The following MROH1 variants were observed in gnomAD, a reference collection of about 807,000 sequenced individuals.
MROH1 encodes the protein maestro heat like repeat family member 1, also known as maestro heat-like repeat-containing protein family member 1.
In MROH1, 117 loss-of-function variants were observed where a neutral mutation model predicts 116.5. That is an observed-to-expected ratio of 1.00 (90% CI 0.86 to 1.17). MROH1 has a LOEUF of 1.17. Among genes scored for constraint, MROH1 ranks in the 50% most tolerant of loss-of-function variants. The probability of loss-of-function intolerance (pLI) is 0.00; values close to 1 mark genes in which losing one functional copy is unlikely to be tolerated. For missense variants in MROH1, 1,873 were observed against 1,338.5 expected, an observed-to-expected ratio of 1.40 and a Z score of -6.23; for synonymous variants, 921 against 583.9, an observed-to-expected ratio of 1.58 and a Z score of -8.32.
At chr8:144,162,138 GCAGTGGCACGAT>G (rs1483522143) in intron 2 of MROH1, among the ~76,000 whole-genome samples, 2 of 148,486 alleles carry the variant, frequency 1.3e-5, no homozygotes, top group African/African-American at 5.0e-5. Flanking sequence ...AGGCTGGAGT[GCAGTGGCACGAT>G]CTCAGCTCAC....
At chr8:144,234,200 G>A (rs1338592714) in intron 14 of MROH1, among the ~76,000 whole-genome samples, 2 of 151,950 alleles carry the variant, frequency 1.3e-5, no homozygotes, top group Admixed American at 6.6e-5. Flanking sequence ...TAGTAGAGAC[G>A]GGGTTTCACC....
rs1198271498 is a variant in MROH1, at chr8:144,244,210, C to T, written c.2556-12C>T. On this transcript the variant is annotated splice_polypyrimidine_tract_variant and intron_variant, in intron 26 of 43. Coordinates refer to ENST00000326134, the MANE Select transcript of MROH1 (RefSeq NM_032450.3). ...TAGGATCATTGTCTGGGGCCCTTAA[C>T]TTGCCTCTCAGCTCCGTGGAGCCAG... The T allele has an allele frequency of 1.1e-5, 8 of 717,042 alleles. No individual in the cohort carries two copies. The South Asian group carries it at 1.2e-4, about 11-fold the overall frequency. The allele number at this position is 717,042 out of a possible 1,614,324, so 44.4% of individuals were successfully genotyped here. A position where few individuals can be genotyped will look rare whatever the true frequency, so the allele number is the denominator to read the frequency against.
rs186371954 is a variant in MROH1 at position 144,194,119 on chromosome 8, A to G, written c.948+1718A>G. 2.9e-3 allele frequency among the ~76,000 whole-genome samples: 440 copies of G among 151,946 alleles called. 2 individuals carry two copies. Among genetic ancestry groups the G allele is most frequent in the African/African-American group, 0.01 (430 of 41,460 alleles). On this transcript the variant is annotated intron_variant, in intron 10 of 43. Coordinates refer to ENST00000326134, the MANE Select transcript of MROH1 (RefSeq NM_032450.3). ...CTCTTGTTGCCCAGGCTGGAGTGCA[A>G]TGGTGCGATCTTGGCTCACTGCAAC... is the stretch of plus-strand genomic sequence containing the variant.
rs564250202 is a variant in MROH1 at position 144,193,520 on chromosome 8, G to A, written c.948+1119G>A. ...GTATAAGGAAATGCAGATGTGTAAC[G>A]ATGAGCATAGACGTGAGGTTTTGCA... On this transcript the variant is annotated intron_variant, in intron 10 of 43. Transcript: ENST00000326134. Among the ~76,000 whole-genome samples the A allele has an allele frequency of 7.2e-5, 11 of 152,332 alleles. No homozygotes were observed. The South Asian group carries it at 1.7e-3, about 23-fold the overall frequency.
intron 21 of MROH1, 130 bp from the exon 22 acceptor site, chr8:144,241,265 T>C (rs1840931739): frequency 1.5e-6 from 1 of 682,562 alleles, no homozygotes. Flanking sequence ...GGTGTGTGCA[T>C]GTGTTGATGT....
chr8:144,231,534 G>T (rs1487991537), intron 14 of MROH1, among the ~76,000 whole-genome samples: 1 of 152,196 alleles, frequency 6.6e-6, no homozygotes, highest in Non-Finnish European at 1.5e-5. Context: ...AGCAGAGGGC[G>T]AGAGGTGGGG....
intron 3 of MROH1, among the ~76,000 whole-genome samples, chr8:144,165,574 C>T (rs1237502156): frequency 6.6e-6 from 1 of 151,948 alleles, no homozygotes; most frequent in East Asian, 1.9e-4. Flanking sequence ...GGGCCTCAAT[C>T]TTTTTTGTGT....
At chr8:144,190,398 T>C (rs1410644998) in intron 7 of MROH1, among the ~76,000 whole-genome samples, 1 of 152,128 alleles carries the variant, frequency 6.6e-6, no homozygotes, top group Non-Finnish European at 1.5e-5. Context: ...TACACCCCTG[T>C]AGTTCCAGCT....
At chr8:144,195,195 TAAAAAAAAA>T (rs561902621) in intron 10 of MROH1, among the ~76,000 whole-genome samples, 36 of 11,682 alleles carry the variant, frequency 3.1e-3, no homozygotes, top group Admixed American at 0.016. Flanking sequence ...ACTGTGTCTT[TAAAAAAAAA>T]AAAAAAAAAA....
intron 7 of MROH1, among the ~76,000 whole-genome samples, chr8:144,186,444 G>A (rs1323507214): frequency 6.6e-6 from 1 of 152,028 alleles, no homozygotes; most frequent in African/African-American, 2.4e-5. Flanking sequence ...TGTGACCTGA[G>A]CATCACCACA....
chr8:144,244,083 A>G (rs1841474380), intron 26 of MROH1, 139 bp from the exon 27 acceptor site: 5 of 702,616 alleles, frequency 7.1e-6, no homozygotes, highest in Non-Finnish European at 7.9e-6. Flanking sequence ...GTGTGTGCGC[A>G]TGCTGCATGG....
chr8:144,184,437 T>C (rs1478153735), intron 7 of MROH1, among the ~76,000 whole-genome samples: 1 of 151,954 alleles, frequency 6.6e-6, no homozygotes, highest in Non-Finnish European at 1.5e-5. Context: ...AAAAGGAGCA[T>C]TAGAGCAGAA....
At chr8:144,235,095 C>T (rs1839833242) in intron 14 of MROH1, among the ~76,000 whole-genome samples, 2 of 152,050 alleles carry the variant, frequency 1.3e-5, no homozygotes, top group African/African-American at 4.8e-5. Flanking sequence ...AGGGTTTCAC[C>T]ATGTTGGCCA....
chr8:144,257,391 T>C lies in MROH1; in HGVS notation c.3792-1386T>C, dbSNP rs1049271604. Among the ~76,000 whole-genome samples the C allele has an allele frequency of 9.3e-4, 142 of 152,240 alleles. 1 individual carries two copies. Among genetic ancestry groups the C allele is most frequent in the Admixed American group, 3.8e-3 (58 of 15,304 alleles). On this transcript the variant is annotated intron_variant, in intron 35 of 43. Coordinates refer to ENST00000326134, the MANE Select transcript of MROH1 (RefSeq NM_032450.3). Reference sequence around the variant, plus strand: ...ACACCCCATGGGGACAGTGGTATACTGGGAGCAGGCCCCCAGCACCTCCTT... The same window carrying C: ...ACACCCCATGGGGACAGTGGTATACCGGGAGCAGGCCCCCAGCACCTCCTT...
chr8:144,159,676 T>G (rs1193356011), intron 1 of MROH1, among the ~76,000 whole-genome samples: 3 of 152,220 alleles, frequency 2.0e-5, no homozygotes, highest in Non-Finnish European at 4.4e-5. Context: ...CTCTGAACTC[T>G]TTCCTTTGTG....
chr8:144,193,050 G>C (rs1429377833), intron 10 of MROH1: 1 of 176,658 alleles, frequency 5.7e-6, no homozygotes, highest in African/African-American at 2.4e-5. Context: ...TGGGTTTACT[G>C]CTTGGCTCTG....
In MROH1 at chr8:144,195,501, CAAAAAAAAAA is replaced by C. The variant is rs1163550725; in HGVS notation, c.948+3115_948+3124del. ...TGGGCAACAGAGTGAGACTCTGTCT[CAAAAAAAAAA>C]AAAAAAAAAAAAAAGAAACAGAGTC... On this transcript the variant is annotated intron_variant, in intron 10 of 43. Coordinates refer to ENST00000326134, the MANE Select transcript of MROH1 (RefSeq NM_032450.3). 2.8e-4 allele frequency among the ~76,000 whole-genome samples: 10 copies of C among 35,344 alleles called. No homozygotes were observed. The South Asian group carries it at 0.013, about 47-fold the overall frequency. 23.2% of individuals were successfully genotyped at this position (35,344 alleles called of 152,430 possible).
At chr8:144,156,743 C>A (rs1393889060) in intron 1 of MROH1, among the ~76,000 whole-genome samples, 1 of 138,838 alleles carries the variant, frequency 7.2e-6, no homozygotes, top group Admixed American at 7.3e-5. Context: ...ATTTGCACAT[C>A]TGTGTCCATA....
chr8:144,198,342 G>A (rs1409704778), intron 10 of MROH1, among the ~76,000 whole-genome samples: 2 of 152,200 alleles, frequency 1.3e-5, no homozygotes, highest in African/African-American at 4.8e-5. Context: ...GAATTAGTGG[G>A]GGTGTGCTTC....
Sources: allele counts gnomAD v4.1 joint callset (sites outside exome capture counted in the v4.1 genomes callset), GRCh38; gene constraint gnomAD v4.1.1; transcripts MANE v1.5; gene names NCBI Gene and HGNC (gene_info 2026-07-23, HGNC 2026-07-21).